The following PLD5 variants were observed in gnomAD, a reference collection of about 807,000 sequenced individuals.
The protein encoded by PLD5 is inactive phospholipase D5.
Under a neutral mutation model 61.1 loss-of-function variants are expected in PLD5, and 36 were observed. That is an observed-to-expected ratio of 0.59 (90% confidence interval 0.45 to 0.78). PLD5 has a LOEUF of 0.78. PLD5 is among the 30% of genes least tolerant of loss of function. The pLI is 0.00. For synonymous variants in PLD5, 243 were observed against 242.8 expected (o/e 1.00, Z -0.01); for missense variants, 515 against 644.4 (o/e 0.80, Z 2.17).
chr1:242,142,720 C>G (rs866256079), intron 5 of PLD5, among the ~76,000 whole-genome samples: 2 of 149,922 alleles, frequency 1.3e-5, no homozygotes, highest in African/African-American at 4.9e-5. Context: ...GTCTTTCTCT[C>G]TCTCTCTCTC....
At chr1:242,204,056 G>A (rs1172603376) in intron 5 of PLD5, among the ~76,000 whole-genome samples, 1 of 149,876 alleles carries the variant, frequency 6.7e-6, no homozygotes, top group Non-Finnish European at 1.5e-5. Flanking sequence ...CCAACATGGT[G>A]AAACCCCATC....
rs1039567781 is a variant in PLD5 at position 242,085,769 on chromosome 1, G to A, written c.*4085C>T. 6 of 152,052 alleles carry A rather than the reference G, an allele frequency of 3.9e-5. No homozygotes were observed. Among genetic ancestry groups the A allele is most frequent in the Admixed American group, 3.3e-4 (5 of 15,264 alleles). 9.4% of individuals were successfully genotyped at this position (152,052 alleles called of 1,614,324 possible). A position where few individuals can be genotyped will look rare whatever the true frequency, so the allele number is the denominator to read the frequency against. On this transcript the variant is annotated 3_prime_UTR_variant, in exon 10 of 10. Transcript: ENST00000536534. The stretch of plus-strand genomic sequence containing the variant: ...AATAACAAAGTATCTTTCATTATAG[G>A]AAGTGGCTGTTCTATGCAAGTAATG...
intron 1 of PLD5, among the ~76,000 whole-genome samples, chr1:242,495,414 A>G (rs979618549): frequency 2.0e-5 from 3 of 152,144 alleles, no homozygotes; most frequent in Non-Finnish European, 4.4e-5. Context: ...TTGGATTCCA[A>G]ACAAGTTCAT....
intron 1 of PLD5, among the ~76,000 whole-genome samples, chr1:242,415,099 C>T (rs894822656): frequency 6.6e-6 from 1 of 152,186 alleles, no homozygotes; most frequent in Admixed American, 6.5e-5. Context: ...AGTTTAGCGA[C>T]ACACTGTTGT....
intron 9 of PLD5, among the ~76,000 whole-genome samples, chr1:242,098,356 A>C (rs543085770): frequency 2.2e-4 from 33 of 152,288 alleles, no homozygotes; most frequent in African/African-American, 7.7e-4. Context: ...CGAATCGGCT[A>C]CTGAGGCTTG....
intron 9 of PLD5, among the ~76,000 whole-genome samples, chr1:242,097,197 C>A (rs999261331): frequency 2.0e-5 from 3 of 152,108 alleles, no homozygotes; most frequent in African/African-American, 7.2e-5. Flanking sequence ...GTGAATAGTG[C>A]CACAATAAAC....
rs867297661 is a variant in PLD5 at position 242,163,867 on chromosome 1, G to C, written c.736-39202C>G. On this transcript the variant is annotated intron_variant, in intron 5 of 9. Transcript: ENST00000536534. ...GTCTCTTCACTGGAGAAAGGAAACA[G>C]TATCCTTTATTTCTTTTGGGTCTCC... is the stretch of plus-strand genomic sequence containing the variant. 4.0e-5 allele frequency among the ~76,000 whole-genome samples: 6 copies of C among 150,016 alleles called. 1 individual carries two copies. The Middle Eastern group carries it at 0.01, about 255-fold the overall frequency.
At chr1:242,468,706 C>A (rs549307036) in intron 1 of PLD5, among the ~76,000 whole-genome samples, 1 of 152,118 alleles carries the variant, frequency 6.6e-6, no homozygotes, top group African/African-American at 2.4e-5. Context: ...CACACGCACA[C>A]ACACACACAT....
At chr1:242,335,037 C>T (rs1338610119) in intron 2 of PLD5, among the ~76,000 whole-genome samples, 2 of 152,126 alleles carry the variant, frequency 1.3e-5, no homozygotes, top group African/African-American at 4.8e-5. Flanking sequence ...GTGTTTGGGT[C>T]TGACCACCTC....
intron 1 of PLD5, among the ~76,000 whole-genome samples, chr1:242,418,781 C>T (rs921770618): frequency 6.6e-6 from 1 of 152,170 alleles, no homozygotes; most frequent in Non-Finnish European, 1.5e-5. Context: ...CCATAGTGTG[C>T]TCCTTCCAGC....
At chr1:242,481,459 T>C (rs1469490393) in intron 1 of PLD5, among the ~76,000 whole-genome samples, 2 of 152,166 alleles carry the variant, frequency 1.3e-5, no homozygotes, top group South Asian at 2.1e-4. Flanking sequence ...GCCTCGCTCA[T>C]TGCTAGCACA....
At chr1:242,389,053 CAAA>C (rs58079845) in intron 1 of PLD5, among the ~76,000 whole-genome samples, 4 of 120,938 alleles carry the variant, frequency 3.3e-5, no homozygotes, top group Non-Finnish European at 1.7e-5. Flanking sequence ...GACTCCATCT[CAAA>C]AAAAAAAAAA....
At chr1:242,478,773 T>C (rs1667677367) in intron 1 of PLD5, among the ~76,000 whole-genome samples, 1 of 152,044 alleles carries the variant, frequency 6.6e-6, no homozygotes, top group Non-Finnish European at 1.5e-5. Flanking sequence ...AATCCTATAA[T>C]ACAGTGAGAG....
upstream of PLD5, among the ~76,000 whole-genome samples, chr1:242,527,140 T>C (rs1669467705): frequency 1.3e-5 from 1 of 79,770 alleles, no homozygotes; most frequent in Non-Finnish European, 2.6e-5. Context: ...TTTTTTTTTT[T>C]TTTTTTTTGA....
At position 242,108,238 on chromosome 1, in the gene PLD5, C is replaced by G. The variant is rs1194642985; in HGVS notation, c.1071-399G>C. 5.3e-5 allele frequency among the ~76,000 whole-genome samples: 8 copies of G among 151,740 alleles called. No homozygotes were observed. In the East Asian group the frequency reaches 1.4e-3, roughly 26 times the overall value. On this transcript the variant is annotated intron_variant, in intron 7 of 9. Coordinates refer to ENST00000536534, the MANE Select transcript of PLD5 (RefSeq NM_001372062.1). ...CTCAGTCCCCAAATGCCACTAAAAC[C>G]TCTCTTTGGTGATTGTCCCCGAAAT...
chr1:242,281,727 AG>A (rs986817408), intron 3 of PLD5, among the ~76,000 whole-genome samples: 10 of 152,218 alleles, frequency 6.6e-5, no homozygotes, highest in Admixed American at 3.9e-4. Flanking sequence ...TTGGATGGTG[AG>A]GGGGTGAACA....
At chr1:242,111,349 G>A (rs771775039) in intron 7 of PLD5, among the ~76,000 whole-genome samples, 14 of 152,116 alleles carry the variant, frequency 9.2e-5, no homozygotes, top group Non-Finnish European at 1.6e-4. Flanking sequence ...GAGCCACCGT[G>A]CCTGGCCGGC....
intron 4 of PLD5, among the ~76,000 whole-genome samples, chr1:242,245,893 C>T (rs960789893): frequency 5.9e-5 from 9 of 152,222 alleles, no homozygotes; most frequent in African/African-American, 2.2e-4. Flanking sequence ...ACTCACAGCC[C>T]CCCTTCTTCC....
intron 1 of PLD5, among the ~76,000 whole-genome samples, chr1:242,519,821 C>G (rs1484437560): frequency 1.3e-5 from 2 of 152,178 alleles, no homozygotes; most frequent in Non-Finnish European, 2.9e-5. Context: ...CCTTGCCGAC[C>G]AAAGGACCAC....
Sources: gnomAD v4.1 joint callset for allele counts (sites outside exome capture counted in the v4.1 genomes callset) on GRCh38, gnomAD v4.1.1 for gene constraint, MANE v1.5 for transcripts, NCBI Gene and HGNC (gene_info 2026-07-23, HGNC 2026-07-21) for gene names.